The following GEMIN8 variants were observed in gnomAD, a reference collection of about 807,000 sequenced individuals.
The protein encoded by GEMIN8 is gem nuclear organelle associated protein 8.
For synonymous variants in GEMIN8, 80 were observed against 78.5 expected (o/e 1.02, Z -0.10); for missense variants, 185 against 205.9 (o/e 0.90, Z 0.62).
chrX:13,993,775 GTTCTT>G, the GEMIN8 span, among the ~76,000 whole-genome samples: 1 of 110,905 alleles, frequency 9.0e-6, no homozygotes, highest in East Asian at 2.8e-4. Flanking sequence ...TTCCTTCACT[GTTCTT>G]TTATCATTAT....
At chrX:14,004,100 T>C (rs1438765973), downstream of GEMIN8, among the ~76,000 whole-genome samples, 1 of 112,404 alleles carries the variant, frequency 8.9e-6, no homozygotes, top group African/African-American at 3.2e-5. Flanking sequence ...TGTGTGAATC[T>C]TTTCCATGCA....
chrX:14,026,040 A>G (rs754252607), intron 2 of GEMIN8, 100 bp downstream of exon 2: 2 of 746,071 alleles, frequency 2.7e-6, no homozygotes, highest in East Asian at 3.0e-4. Context: ...CAACACCTTC[A>G]GAGACTACTA....
At chrX:14,019,510 T>A (rs1213061169) in intron 4 of GEMIN8, among the ~76,000 whole-genome samples, 3 of 111,829 alleles carry the variant, frequency 2.7e-5, no homozygotes, top group Non-Finnish European at 5.6e-5. Flanking sequence ...ATTTAAGATT[T>A]GGGACCTCTA....
intron 4 of GEMIN8, 71 bp downstream of exon 4, chrX:14,020,007 A>G: frequency 3.5e-6 from 2 of 573,960 alleles, no homozygotes; most frequent in Admixed American, 3.1e-5. Flanking sequence ...ATTACTTTAT[A>G]TATTAGAGAA....
intron 2 of GEMIN8, among the ~76,000 whole-genome samples, chrX:14,021,864 T>C (rs1924372460): frequency 2.1e-5 from 2 of 93,840 alleles, no homozygotes; most frequent in Admixed American, 2.4e-4. Flanking sequence ...TACTGATATA[T>C]ATACTGAGGC....
At chrX:14,021,433 C>CAA in intron 3 of GEMIN8, 31 bp downstream of exon 3, 5 of 796,585 alleles carry the variant, frequency 6.3e-6, no homozygotes, top group Non-Finnish European at 7.3e-6. Flanking sequence ...CTTACGAGCT[C>CAA]AAAAAAAAAA....
chrX:14,006,795 G>A lies in GEMIN8; in HGVS notation c.*2118C>T, dbSNP rs1923186260. 9.0e-6 allele frequency among the ~76,000 whole-genome samples: 1 copy of A among 111,710 alleles called. No individual in the cohort carries two copies. Among genetic ancestry groups the A allele is most frequent in the Admixed American group, 9.5e-5 (1 of 10,532 alleles). The stretch of plus-strand genomic sequence containing the variant: ...TGTTTTACAGGCACTACTCAATGTG[G>A]TCCGCACAATGACCCCACGAGAGAA... On this transcript the variant is annotated 3_prime_UTR_variant, in exon 5 of 5. Transcript: ENST00000680255.
rs1025340525 is a variant in GEMIN8 at position 14,007,958 on chromosome X, T to C, written c.*955A>G. Among the ~76,000 whole-genome samples the C allele has an allele frequency of 1.8e-5, 2 of 111,988 alleles. No homozygotes were observed. Among genetic ancestry groups the C allele is most frequent in the Admixed American group, 1.9e-4 (2 of 10,565 alleles). On this transcript the variant is annotated 3_prime_UTR_variant, in exon 5 of 5. Transcript: ENST00000680255. ...GGTGCAGTTGGCAAACTACCATCTG[T>C]AGACCAAATCTGGCCTGCAGTCTGT...
chrX:14,011,509 T>A (rs767473888), intron 4 of GEMIN8, among the ~76,000 whole-genome samples: 1 of 100,506 alleles, frequency 9.9e-6, no homozygotes, highest in South Asian at 4.8e-4. Flanking sequence ...ACCAATCCTA[T>A]GGCTCTCTTT....
the GEMIN8 span, among the ~76,000 whole-genome samples, chrX:14,000,597 GAA>G: frequency 9.7e-6 from 1 of 103,360 alleles, no homozygotes; most frequent in African/African-American, 3.5e-5. Context: ...ACTCCATCTT[GAA>G]AAAAAAAAAA....
chrX:14,015,941 A>G (rs759997634), intron 4 of GEMIN8, among the ~76,000 whole-genome samples: 1 of 111,785 alleles, frequency 8.9e-6, no homozygotes, highest in African/African-American at 3.3e-5. Flanking sequence ...GGAAAGCGCC[A>G]TGGGCACTCA....
intron 4 of GEMIN8, among the ~76,000 whole-genome samples, chrX:14,015,624 T>C (rs1923852448): frequency 8.9e-6 from 1 of 112,543 alleles, no homozygotes; most frequent in Non-Finnish European, 1.9e-5. Flanking sequence ...CAGGCGATGA[T>C]GAATTGCATA....
intron 2 of GEMIN8, among the ~76,000 whole-genome samples, chrX:14,021,816 A>ATG (rs1409362774): frequency 5.1e-5 from 2 of 39,233 alleles, no homozygotes; most frequent in Non-Finnish European, 9.3e-5. Context: ...ATGTGTGTGT[A>ATG]TATATATATA....
intron 4 of GEMIN8, among the ~76,000 whole-genome samples, chrX:14,009,788 T>C (rs1923412808): frequency 8.9e-6 from 1 of 111,809 alleles, no homozygotes; most frequent in Admixed American, 9.5e-5. Flanking sequence ...AGTCCAGTGT[T>C]GCGAGCAGTG....
intron 1 of GEMIN8, 118 bp from the exon 2 acceptor site, chrX:14,026,339 G>A (rs6528161): frequency 0.3 from 225,255 of 745,398 alleles, 24,229 homozygotes; most frequent in South Asian, 0.33. Context: ...GAGCCCAGGC[G>A]AGTACAGAGA....
At chrX:14,019,067 G>C (rs1924131433) in intron 4 of GEMIN8, among the ~76,000 whole-genome samples, 2 of 112,127 alleles carry the variant, frequency 1.8e-5, no homozygotes, top group Admixed American at 1.9e-4. Flanking sequence ...CTCAGTTCTT[G>C]GCATCCAGTG....
At chrX:14,017,146 G>A (rs1923989727) in intron 4 of GEMIN8, among the ~76,000 whole-genome samples, 2 of 109,804 alleles carry the variant, frequency 1.8e-5, no homozygotes, top group Non-Finnish European at 1.9e-5. Context: ...CATAGGTGAG[G>A]CAACTGAGGC....
intron 4 of GEMIN8, chrX:14,013,870 T>C (rs1923731289): frequency 1.9e-6 from 1 of 539,728 alleles, no homozygotes; most frequent in Non-Finnish European, 2.3e-6. Context: ...TTAATATGCA[T>C]ATAGGTTAAA....
At chrX:14,020,565 AC>A (rs1424438902) in intron 3 of GEMIN8, 31 bp from the exon 4 acceptor site, 43 of 905,914 alleles carry the variant, frequency 4.7e-5, no homozygotes, top group Non-Finnish European at 6.7e-5. Context: ...GAGGGTGGAC[AC>A]CAAAGTGTTT....
Sources: allele counts gnomAD v4.1 joint callset (sites outside exome capture counted in the v4.1 genomes callset), GRCh38; gene constraint gnomAD v4.1.1; transcripts MANE v1.5; gene names NCBI Gene and HGNC (gene_info 2026-07-23, HGNC 2026-07-21).